Variants in PTCSC3 observed in about 807,000 individuals in gnomAD.
The protein encoded by PTCSC3 is papillary thyroid carcinoma susceptibility candidate 3.
chr14:36,147,820 T>C (rs948713472), intron 3 of PTCSC3, among the ~76,000 whole-genome samples: 59 of 152,006 alleles, frequency 3.9e-4, no homozygotes, highest in African/African-American at 1.4e-3. Context: ...TTGATGATGG[T>C]GATGTACAGA....
At chr14:36,151,101 T>C (rs985800766) in intron 3 of PTCSC3, among the ~76,000 whole-genome samples, 1 of 152,206 alleles carries the variant, frequency 6.6e-6, no homozygotes, top group Non-Finnish European at 1.5e-5. Context: ...TTTGTTTGTA[T>C]GAAAAAGCCT....
intron 3 of PTCSC3, among the ~76,000 whole-genome samples, chr14:36,143,883 C>T (rs1881490381): frequency 6.7e-6 from 1 of 149,862 alleles, no homozygotes; most frequent in African/African-American, 2.4e-5. Flanking sequence ...ATATGGCTAG[C>T]CAGTTTTCCC....
chr14:36,136,017 G>C (rs944797412), downstream of PTCSC3: 1 of 152,544 alleles, frequency 6.6e-6, no homozygotes. Context: ...AGCAAGGATA[G>C]TGAGTCCCAG....
chr14:36,161,203 T>C (rs1339144304), intron 2 of PTCSC3, among the ~76,000 whole-genome samples: 1 of 152,190 alleles, frequency 6.6e-6, no homozygotes, highest in Non-Finnish European at 1.5e-5. Context: ...ATTACCCACC[T>C]TCTGAAGCCT....
intron 2 of PTCSC3, among the ~76,000 whole-genome samples, chr14:36,162,267 A>AAAAC (rs1236697018): frequency 4.2e-5 from 2 of 47,380 alleles, no homozygotes; most frequent in South Asian, 8.6e-4. Flanking sequence ...GGAAAAAAAA[A>AAAAC]AAAAAAAAAA....
chr14:36,163,387 C>T (rs1469684131), intron 1 of PTCSC3, among the ~76,000 whole-genome samples: 1 of 144,900 alleles, frequency 6.9e-6, no homozygotes, highest in Non-Finnish European at 1.5e-5. Flanking sequence ...CCAGCCTTAA[C>T]AATGGAAATT....
chr14:36,152,027 A>C (rs141288970), intron 3 of PTCSC3, among the ~76,000 whole-genome samples: 1 of 151,188 alleles, frequency 6.6e-6, no homozygotes, highest in Non-Finnish European at 1.5e-5. Flanking sequence ...TTGATTTTCA[A>C]ATTTTCAGCC....
At chr14:36,149,175 C>A (rs893655755) in intron 3 of PTCSC3, among the ~76,000 whole-genome samples, 2 of 152,056 alleles carry the variant, frequency 1.3e-5, no homozygotes, top group African/African-American at 4.8e-5. Flanking sequence ...CTGCATTCTG[C>A]ACATTTTGAT....
intron 3 of PTCSC3, among the ~76,000 whole-genome samples, chr14:36,150,044 A>G (rs995138854): frequency 6.6e-6 from 1 of 151,994 alleles, no homozygotes; most frequent in Non-Finnish European, 1.5e-5. Context: ...TTGATTTTGG[A>G]TTTTCAAATT....
At chr14:36,154,335 C>T (rs1881785445) in intron 2 of PTCSC3, among the ~76,000 whole-genome samples, 1 of 151,974 alleles carries the variant, frequency 6.6e-6, no homozygotes, top group Non-Finnish European at 1.5e-5. Flanking sequence ...CAATATGAAA[C>T]TTACTTTAAA....
rs578070131 is a variant in PTCSC3 at position 36,153,209 on chromosome 14, C to G, written n.322+595G>C. 7.9e-5 allele frequency among the ~76,000 whole-genome samples: 12 copies of G among 152,262 alleles called. No homozygotes were observed. The East Asian group carries it at 2.1e-3, about 27-fold the overall frequency. On this transcript the variant is annotated intron_variant and non_coding_transcript_variant, in intron 3 of 3. Transcript: ENST00000556013. ...CGTCTCTTCTTATAAAGGCACTAACCCCATTCATGATGGTTCCACTCTTCT... is the reference window on the plus strand; with the variant it reads ...CGTCTCTTCTTATAAAGGCACTAACGCCATTCATGATGGTTCCACTCTTCT...
At chr14:36,153,160 CAG>C (rs1367495440) in intron 3 of PTCSC3, among the ~76,000 whole-genome samples, 3 of 152,172 alleles carry the variant, frequency 2.0e-5, no homozygotes, top group Admixed American at 6.5e-5. Context: ...CCTCACATGA[CAG>C]AGAGAGAAAT....
At chr14:36,163,629 A>G (rs1353301692) in intron 1 of PTCSC3, among the ~76,000 whole-genome samples, 2 of 152,250 alleles carry the variant, frequency 1.3e-5, no homozygotes, top group Admixed American at 6.5e-5. Context: ...ACGTATCTAG[A>G]AGGGCTTTTG....
intron 1 of PTCSC3, among the ~76,000 whole-genome samples, chr14:36,173,091 G>A (rs1242289955): frequency 2.0e-5 from 3 of 151,986 alleles, no homozygotes; most frequent in African/African-American, 4.8e-5. Context: ...ATCAGATTCC[G>A]CAGATAAACT....
intron 2 of PTCSC3, among the ~76,000 whole-genome samples, chr14:36,155,696 T>C (rs1169135): frequency 0.62 from 93,564 of 151,892 alleles, 29,595 homozygotes; most frequent in Middle Eastern, 0.69. Flanking sequence ...CTCTGTGTCC[T>C]GTACAATTTC....
At chr14:36,160,045 A>G (rs1881921503) in intron 2 of PTCSC3, among the ~76,000 whole-genome samples, 2 of 152,122 alleles carry the variant, frequency 1.3e-5, no homozygotes, top group Non-Finnish European at 2.9e-5. Flanking sequence ...TAGGATTGCA[A>G]GCCCTGCTTT....
At chr14:36,170,390 G>C (rs1024002663) in intron 1 of PTCSC3, among the ~76,000 whole-genome samples, 2 of 152,002 alleles carry the variant, frequency 1.3e-5, no homozygotes, top group Admixed American at 1.3e-4. Flanking sequence ...GTTCCTTTAA[G>C]ATTTTCATTT....
chr14:36,143,175 T>G (rs1369849266), intron 3 of PTCSC3, among the ~76,000 whole-genome samples: 1 of 149,164 alleles, frequency 6.7e-6, no homozygotes, highest in Non-Finnish European at 1.5e-5. Flanking sequence ...ATATACCCAG[T>G]AATGGGATGG....
intron 3 of PTCSC3, among the ~76,000 whole-genome samples, chr14:36,138,827 G>A (rs1881347268): frequency 6.6e-6 from 1 of 152,112 alleles, no homozygotes; most frequent in Non-Finnish European, 1.5e-5. Flanking sequence ...CAAAAGAAAT[G>A]CATATATGTG....
Sources: gnomAD v4.1 joint callset for allele counts (sites outside exome capture counted in the v4.1 genomes callset) on GRCh38, gnomAD v4.1.1 for gene constraint, MANE v1.5 for transcripts, NCBI Gene and HGNC (gene_info 2026-07-23, HGNC 2026-07-21) for gene names.